ZNF77: variants seen among roughly 807,000 people sequenced by gnomAD.
The protein encoded by ZNF77 is ZNFpT1.
A neutral mutation model predicts 13.5 loss-of-function variants in ZNF77; 15 were observed. The observed-to-expected ratio is 1.11, with a 90% confidence interval of 0.74 to 1.71. The LOEUF (loss-of-function observed/expected upper bound fraction) is 1.71, where lower values mean the gene tolerates loss of function less well. Among genes scored for constraint, ZNF77 ranks in the 40% most tolerant of loss-of-function variants. The pLI, the probability that ZNF77 is intolerant of heterozygous loss-of-function variation, is 0.00. For missense variants in ZNF77, 717 were observed against 676.4 expected (o/e 1.06, Z -0.67); for synonymous variants, 282 against 250.0 (o/e 1.13, Z -1.21).
intron 3 of ZNF77, 94 bp downstream of exon 3, chr19:2,936,430 C>T (rs564042603): frequency 8.3e-5 from 114 of 1,375,440 alleles, no homozygotes; most frequent in African/African-American, 6.6e-4. Flanking sequence ...ATTACAGGCG[C>T]GAGCCCCTGT....
At chr19:2,939,541 T>C in intron 1 of ZNF77, 134 bp from the exon 2 acceptor site, 4 of 1,321,204 alleles carry the variant, frequency 3.0e-6, no homozygotes, top group Non-Finnish European at 4.2e-6. Flanking sequence ...ACCAACAGTA[T>C]GAAAAAGTGC....
chr19:2,936,671 C>G lies in ZNF77; in HGVS notation c.164G>C (p.Ser55Thr). The change falls in exon 3 of 4, where the codon AGT becomes ACT. Residue 55 changes from serine (S) to threonine (T), a missense_variant. By Grantham distance (58) the Ser-to-Thr change is moderately conservative. Coordinates refer to ENST00000314531, the MANE Select transcript of ZNF77 (RefSeq NM_021217.3). ...ATTCCCAAAAACGTCCCTCTGAGAA[C>G]TTGATCCACTGGTTCTAACATAAAT... ...CYIYVRTSGS[S>T]SQRDVFGNGI... The G allele has an allele frequency of 6.2e-7, 1 of 1,609,104 alleles. No homozygotes were observed. Among genetic ancestry groups the G allele is most frequent in the Non-Finnish European group, 8.5e-7 (1 of 1,178,624 alleles).
intron 1 of ZNF77, among the ~76,000 whole-genome samples, chr19:2,941,396 T>G (rs925573488): frequency 6.6e-6 from 1 of 151,628 alleles, no homozygotes; most frequent in African/African-American, 2.4e-5. Flanking sequence ...GAAAATCACT[T>G]AAACCCAGAG....
chr19:2,943,424 C>A (rs2088467301), intron 1 of ZNF77, among the ~76,000 whole-genome samples: 1 of 152,076 alleles, frequency 6.6e-6, no homozygotes, highest in African/African-American at 2.4e-5. Context: ...CTTTACTCAG[C>A]CTTCTGTCCT....
chr19:2,941,156 CAG>C (rs1423133122), intron 1 of ZNF77, among the ~76,000 whole-genome samples: 1 of 120,170 alleles, frequency 8.3e-6, no homozygotes, highest in East Asian at 2.6e-4. Context: ...GCGTGGGTGA[CAG>C]AGAGACGCCC....
chr19:2,942,566 C>A (rs993805698), intron 1 of ZNF77, among the ~76,000 whole-genome samples: 3 of 151,796 alleles, frequency 2.0e-5, no homozygotes, highest in South Asian at 4.2e-4. Context: ...GAAATAGGAA[C>A]AATACCAATG....
intron 3 of ZNF77, among the ~76,000 whole-genome samples, chr19:2,935,953 T>C (rs549943594): frequency 6.6e-6 from 1 of 151,764 alleles, no homozygotes; most frequent in East Asian, 1.9e-4. Context: ...GAGGCAAAGG[T>C]TGCAGTGAGC....
In ZNF77 at chr19:2,941,534, AG is replaced by A. The variant is rs577532842; in HGVS notation, c.4-2128del. Among the ~76,000 whole-genome samples, 26 of 152,278 alleles carry A rather than the reference AG, an allele frequency of 1.7e-4. 1 individual carries two copies. The South Asian group carries it at 5.4e-3, about 32-fold the overall frequency. On this transcript the variant is annotated intron_variant, in intron 1 of 3. Transcript: ENST00000314531. ...AATCACCACTTTCAGCCCGTGTTAA[AG>A]GACAAAGGGGTGAGTGGTGGATTCT...
chr19:2,934,014 CAT>C lies in ZNF77; in HGVS notation c.1111_1112del (p.Met371GlufsTer25), dbSNP rs756221080. ...FRYPSSLRAH[M>X]RMHTGEKPYV... ...AGGGCTTCTCTCCGGTGTGCATTCT[CAT>C]GTGTGCTCGCAGAGAGGAGGGGTAC... On this transcript the variant is annotated frameshift_variant, in exon 4 of 4. Transcript: ENST00000314531. LOFTEE classifies it low-confidence loss of function (END_TRUNC). The C allele has an allele frequency of 2.5e-6, 4 of 1,614,152 alleles. No individual in the cohort carries two copies. Among genetic ancestry groups the C allele is most frequent in the African/African-American group, 2.7e-5 (2 of 75,042 alleles).
At chr19:2,939,839 C>T in intron 1 of ZNF77, 1 of 196,266 alleles carries the variant, frequency 5.1e-6, no homozygotes, top group Admixed American at 5.3e-5. Context: ...AATTAACCAG[C>T]CATGGTGGTA....
intron 2 of ZNF77, among the ~76,000 whole-genome samples, chr19:2,937,211 C>T (rs1304910744): frequency 6.6e-5 from 10 of 151,982 alleles, no homozygotes; most frequent in Non-Finnish European, 7.4e-5. Context: ...GTGCTGGATG[C>T]GGTGGCTCAC....
chr19:2,935,496 ATTT>A (rs58809442), intron 3 of ZNF77, among the ~76,000 whole-genome samples: 1 of 138,256 alleles, frequency 7.2e-6, no homozygotes. Context: ...TCTTTTTCGT[ATTT>A]TTTTTTTTTT....
intron 1 of ZNF77, among the ~76,000 whole-genome samples, chr19:2,940,516 T>C (rs991515690): frequency 2.0e-5 from 3 of 151,688 alleles, no homozygotes; most frequent in Admixed American, 1.3e-4. Context: ...CTACTAAAAA[T>C]ACAAAAATTA....
chr19:2,940,679 A>G (rs28468555), intron 1 of ZNF77, among the ~76,000 whole-genome samples: 4 of 34,274 alleles, frequency 1.2e-4, no homozygotes, highest in Admixed American at 2.8e-4. Context: ...CACAAAAAAG[A>G]AAAAAAAAAA....
intron 1 of ZNF77, among the ~76,000 whole-genome samples, chr19:2,944,372 C>T (rs1351008642): frequency 6.7e-6 from 1 of 148,150 alleles, no homozygotes. Flanking sequence ...AACCCATGAC[C>T]GCCTCTACGG....
chr19:2,938,609 T>C (rs1445667330), intron 2 of ZNF77, among the ~76,000 whole-genome samples: 3 of 152,208 alleles, frequency 2.0e-5, no homozygotes, highest in African/African-American at 4.8e-5. Context: ...GTTGGGATCA[T>C]GTCTATCTCT....
intron 2 of ZNF77, among the ~76,000 whole-genome samples, chr19:2,937,371 G>C (rs537909336): frequency 1.6e-3 from 250 of 152,168 alleles, no homozygotes; most frequent in African/African-American, 5.8e-3. Context: ...TGTAATCCCA[G>C]CTACTCGGGA....
rs559552201 is a variant in ZNF77 at position 2,938,848 on chromosome 19, C to T, written c.130+433G>A. ...GTGGGCACCTGTAGTCCCAGCTATT[C>T]AGGAGGCTGAGGCAGGAGAATGGCA... On this transcript the variant is annotated intron_variant, in intron 2 of 3. Coordinates refer to ENST00000314531, the MANE Select transcript of ZNF77 (RefSeq NM_021217.3). Among the ~76,000 whole-genome samples the T allele has an allele frequency of 2.0e-5, 3 of 151,848 alleles. No individual in the cohort carries two copies. In the East Asian group the frequency reaches 5.8e-4, roughly 29 times the overall value.
At position 2,934,293 on chromosome 19, in the gene ZNF77, G is replaced by C. The variant is rs1223515632; in HGVS notation, c.834C>G (p.Ser278Arg). Residue 278 changes from serine (S) to arginine (R), a missense_variant, in exon 4 of 4, where the codon AGC (serine) becomes AGG (arginine). Physicochemically the swap from Ser to Arg is moderately radical, Grantham distance 110. Coordinates refer to ENST00000314531, the MANE Select transcript of ZNF77 (RefSeq NM_021217.3). ...YECKECGKAF[S>R]CPSYFREHVR... Reference sequence around the variant, plus strand: ...CATGTTCTCGAAAGTATGAGGGACAGCTGAAGGCTTTCCCACACTCCTTAC... The same window carrying C: ...CATGTTCTCGAAAGTATGAGGGACACCTGAAGGCTTTCCCACACTCCTTAC... The C allele has an allele frequency of 1.5e-5, 25 of 1,613,106 alleles. No homozygotes were observed. Among genetic ancestry groups the C allele is most frequent in the Non-Finnish European group, 2.0e-5 (24 of 1,179,414 alleles).
Sources: allele counts gnomAD v4.1 joint callset (sites outside exome capture counted in the v4.1 genomes callset), GRCh38; gene constraint gnomAD v4.1.1; transcripts MANE v1.5; gene names NCBI Gene and HGNC (gene_info 2026-07-23, HGNC 2026-07-21).